Variants in ADGRB3 observed in about 807,000 individuals in gnomAD.
The protein encoded by ADGRB3 is adhesion G protein-coupled receptor B3, also known as brain-specific angiogenesis inhibitor 3.
Under a neutral mutation model 193.4 loss-of-function variants are expected in ADGRB3, and 37 were observed. The observed-to-expected ratio is 0.19, with a 90% confidence interval of 0.15 to 0.25. ADGRB3 has a LOEUF of 0.25. ADGRB3 is among the 10% of genes least tolerant of loss of function. ADGRB3 has a pLI of 1.00. For missense variants in ADGRB3, 1,637 were observed against 1,852.9 expected, an observed-to-expected ratio of 0.88 and a Z score of 2.14; for synonymous variants, 690 against 644.2, an observed-to-expected ratio of 1.07 and a Z score of -1.08.
At chr6:69,237,809 A>C (rs879290259) in intron 19 of ADGRB3, among the ~76,000 whole-genome samples, 2 of 152,000 alleles carry the variant, frequency 1.3e-5, no homozygotes, top group Non-Finnish European at 2.9e-5. Context: ...CACCCACAAA[A>C]AAGAGACAAT....
chr6:69,146,821 C>CTTTTTTTTTTTTTTTTTTTTTGTTTTT (rs1774512486), intron 17 of ADGRB3, among the ~76,000 whole-genome samples: 1 of 103,246 alleles, frequency 9.7e-6, no homozygotes, highest in Non-Finnish European at 1.8e-5. Context: ...CTCATTACTT[C>CTTTTTTTTTTTTTTTTTTTTTGTTTTT]TTTTTTTTTT....
At chr6:69,380,451 G>A (rs1349820809) in intron 30 of ADGRB3, among the ~76,000 whole-genome samples, 1 of 151,854 alleles carries the variant, frequency 6.6e-6, no homozygotes, top group Non-Finnish European at 1.5e-5. Context: ...CCGTGCCTTT[G>A]GCATCAACTC....
At chr6:69,380,249 A>G (rs1049617587) in intron 30 of ADGRB3, among the ~76,000 whole-genome samples, 4 of 152,004 alleles carry the variant, frequency 2.6e-5, no homozygotes, top group African/African-American at 7.2e-5. Flanking sequence ...TAATGAAATA[A>G]CTGTTGGAAG....
intron 13 of ADGRB3, among the ~76,000 whole-genome samples, chr6:69,020,951 A>AAT (rs1770245940): frequency 6.6e-6 from 1 of 152,042 alleles, no homozygotes; most frequent in South Asian, 2.1e-4. Context: ...AAAACATTAT[A>AAT]ATGTTTTGTC....
chr6:69,239,392 G>A (rs983988732), intron 20 of ADGRB3, among the ~76,000 whole-genome samples, 166 bp downstream of exon 20: 1 of 151,924 alleles, frequency 6.6e-6, no homozygotes, highest in Non-Finnish European at 1.5e-5. Context: ...GTCTATTCCA[G>A]TTCAGAATGT....
chr6:68,878,291 A>G (rs1470492853), intron 3 of ADGRB3, among the ~76,000 whole-genome samples: 1 of 152,058 alleles, frequency 6.6e-6, no homozygotes, highest in Admixed American at 6.6e-5. Flanking sequence ...ATTTCAAATA[A>G]CTTATTTAAA....
In ADGRB3 at chr6:68,821,754, T is replaced by C. The variant is rs140741293; in HGVS notation, c.758-108805T>C. ...AAGCTGCATTGTTCTATTTAAACTT[T>C]TGTGGTATTAATTAATTTATTTACA... On this transcript the variant is annotated intron_variant, in intron 3 of 31. Coordinates refer to ENST00000370598, the MANE Select transcript of ADGRB3 (RefSeq NM_001704.3). 5.3e-4 allele frequency among the ~76,000 whole-genome samples: 80 copies of C among 152,046 alleles called. 1 individual carries two copies. The highest frequency in any genetic ancestry group is 1.8e-3 in the African/African-American group (76 of 41,544).
At chr6:68,974,382 G>T (rs1229495662) in intron 8 of ADGRB3, among the ~76,000 whole-genome samples, 2 of 152,154 alleles carry the variant, frequency 1.3e-5, no homozygotes, top group African/African-American at 4.8e-5. Flanking sequence ...AAGAGCCTGT[G>T]CATGGTGGCT....
At chr6:69,200,338 G>C (rs1261255649) in intron 17 of ADGRB3, among the ~76,000 whole-genome samples, 2 of 152,096 alleles carry the variant, frequency 1.3e-5, no homozygotes, top group East Asian at 3.9e-4. Flanking sequence ...CAAGCATATA[G>C]CACAGATGTG....
intron 11 of ADGRB3, among the ~76,000 whole-genome samples, chr6:69,008,867 A>G (rs1413487446): frequency 2.0e-5 from 3 of 152,024 alleles, no homozygotes; most frequent in African/African-American, 7.2e-5. Flanking sequence ...TCCCATATTT[A>G]CTCAAGATAA....
At chr6:68,871,919 A>G (rs1318905616) in intron 3 of ADGRB3, among the ~76,000 whole-genome samples, 2 of 152,086 alleles carry the variant, frequency 1.3e-5, no homozygotes, top group Non-Finnish European at 2.9e-5. Context: ...AGTTAAGTCT[A>G]TTCTTTCTTT....
chr6:69,237,903 A>G (rs1464556675), intron 19 of ADGRB3, among the ~76,000 whole-genome samples: 1 of 152,028 alleles, frequency 6.6e-6, no homozygotes, highest in Admixed American at 6.6e-5. Flanking sequence ...AGGTTCAGCA[A>G]CCCTGAGGCC....
At chr6:69,256,264 A>T (rs1286233415) in intron 20 of ADGRB3, among the ~76,000 whole-genome samples, 4 of 151,778 alleles carry the variant, frequency 2.6e-5, no homozygotes, top group Admixed American at 6.6e-5. Context: ...CTTGATGGGG[A>T]TGGCATTGAA....
At chr6:69,332,515 G>T (rs1768751821) in intron 23 of ADGRB3, 7 of 985,202 alleles carry the variant, frequency 7.1e-6, no homozygotes, top group Non-Finnish European at 8.4e-6. Flanking sequence ...TTGCTGCCAG[G>T]GCTCACCCTA....
At chr6:68,766,888 T>C (rs1766517735) in intron 3 of ADGRB3, among the ~76,000 whole-genome samples, 1 of 152,086 alleles carries the variant, frequency 6.6e-6, no homozygotes, top group Non-Finnish European at 1.5e-5. Context: ...ATGAAATTTG[T>C]TTATGAGACA....
chr6:69,287,940 T>C (rs1014507837), intron 20 of ADGRB3, among the ~76,000 whole-genome samples: 1 of 152,246 alleles, frequency 6.6e-6, no homozygotes, highest in Non-Finnish European at 1.5e-5. Flanking sequence ...TAGGAACTTT[T>C]AGAAATCTAC....
chr6:69,327,762 A>G (rs1443493041), intron 21 of ADGRB3, 58 bp from the exon 22 acceptor site: 4 of 1,469,972 alleles, frequency 2.7e-6, no homozygotes, highest in Non-Finnish European at 3.7e-6. Context: ...CTTTTCTTAG[A>G]CCAGTATGCA....
intron 17 of ADGRB3, among the ~76,000 whole-genome samples, chr6:69,076,441 A>T (rs1241649082): frequency 6.6e-6 from 1 of 152,128 alleles, no homozygotes; most frequent in Non-Finnish European, 1.5e-5. Flanking sequence ...CCTTGAATCT[A>T]TTATCAGAGT....
At chr6:68,643,460 T>TTTTC (rs869141676) in intron 3 of ADGRB3, among the ~76,000 whole-genome samples, 2 of 145,118 alleles carry the variant, frequency 1.4e-5, no homozygotes, top group Non-Finnish European at 3.0e-5. Flanking sequence ...TTTTTTTTTT[T>TTTTC]CGTATGTCAC....
Sources: gnomAD v4.1 joint callset for allele counts (sites outside exome capture counted in the v4.1 genomes callset) on GRCh38, gnomAD v4.1.1 for gene constraint, MANE v1.5 for transcripts, NCBI Gene and HGNC (gene_info 2026-07-23, HGNC 2026-07-21) for gene names.